The following EMC1 variants were observed in gnomAD, a reference collection of about 807,000 sequenced individuals.
EMC1 encodes the protein ER membrane protein complex subunit 1.
EMC1 carries 103 observed loss-of-function variants against 128.8 expected under a neutral mutation model. The ratio of observed to expected loss-of-function variants is 0.80; its 90% confidence interval spans 0.68 to 0.94. The LOEUF is 0.94. Ranked by LOEUF, EMC1 falls within the 40% of genes least tolerant of loss-of-function variation. The probability of loss-of-function intolerance (pLI) is 0.00; values close to 1 mark genes in which losing one functional copy is unlikely to be tolerated. For synonymous variants in EMC1, 442 were observed against 490.4 expected (o/e 0.90, Z 1.30); for missense variants, 1,083 against 1,250.6 (o/e 0.87, Z 2.02).
In EMC1 at chr1:19,231,246, C is replaced by A. The variant is rs779493032; in HGVS notation, c.1944+15G>T. The A allele has an allele frequency of 2.0e-5, 31 of 1,584,116 alleles. No individual in the cohort carries two copies. The highest frequency in any genetic ancestry group is 2.3e-5 in the Non-Finnish European group (27 of 1,171,374). On this transcript the variant is annotated intron_variant, in intron 16 of 22. Transcript: ENST00000477853. ...ACTCCGCTAGCATGTTCTCCATCCC[C>A]TCTGAAGACAGTACCTTGTATTCAT...
rs1463933161 is a variant in EMC1 at position 19,241,092 on chromosome 1, C to T, written c.560G>A (p.Trp187Ter). The T allele has an allele frequency of 3.1e-6, 5 of 1,614,132 alleles. No individual in the cohort carries two copies. Among genetic ancestry groups the T allele is most frequent in the Non-Finnish European group, 4.2e-6 (5 of 1,180,010 alleles). ...MVYSYGSGVV[W>*]ALGVVPFSHV... ...GCTGAAGGGAACAACTCCGAGGGCCCACACCACCCCAGAGCCGTAAGAATA... is the reference window on the plus strand; with the variant it reads ...GCTGAAGGGAACAACTCCGAGGGCCTACACCACCCCAGAGCCGTAAGAATA... Residue 187 changes from tryptophan (W) to a stop codon, truncating the protein, a stop_gained, in exon 6 of 23, where the codon TGG becomes TAG. Transcript: ENST00000477853. LOFTEE classifies it high-confidence loss of function.
chr1:19,235,974 C>T (rs12085519), intron 12 of EMC1, among the ~76,000 whole-genome samples: 7,314 of 152,224 alleles, frequency 0.048, 568 homozygotes, highest in African/African-American at 0.16. Context: ...TCAGGGATTA[C>T]TACAAGCTCT....
chr1:19,226,742 T>C (rs1571985067), intron 18 of EMC1, among the ~76,000 whole-genome samples: 1 of 151,492 alleles, frequency 6.6e-6, no homozygotes, highest in African/African-American at 2.4e-5. Context: ...TTGTTTTTTT[T>C]TTTTGGGGGT....
In EMC1 at chr1:19,242,553, T is replaced by G; in HGVS notation, c.381-80A>C. ...AGAGACAGTCCAGAACAGTACCCAC[T>G]GTTGCTTAGTGGGTAAGAAAACAGG... On this transcript the variant is annotated intron_variant, in intron 4 of 22. Transcript: ENST00000477853. The G allele has an allele frequency of 4.7e-6, 7 of 1,492,630 alleles. No individual in the cohort carries two copies. In the East Asian group the frequency reaches 6.9e-5, roughly 15 times the overall value. 92.5% of individuals were successfully genotyped at this position (1,492,630 alleles called of 1,614,324 possible).
chr1:19,228,474 T>G (rs1374178217), intron 17 of EMC1, among the ~76,000 whole-genome samples: 9 of 152,168 alleles, frequency 5.9e-5, no homozygotes. Flanking sequence ...TATGGAATTA[T>G]GCGGAGCCCT....
At chr1:19,234,913 C>T (rs2093551846) in intron 13 of EMC1, among the ~76,000 whole-genome samples, 3 of 152,120 alleles carry the variant, frequency 2.0e-5, no homozygotes. Context: ...CCTAGCTTTC[C>T]CTAGAAGGAT....
At chr1:19,229,100 G>T (rs78138248) in intron 17 of EMC1, among the ~76,000 whole-genome samples, 8,525 of 152,186 alleles carry the variant, frequency 0.056, 338 homozygotes, top group African/African-American at 0.11. Context: ...GCTGTTGATA[G>T]GGAATCATAA....
intron 4 of EMC1, among the ~76,000 whole-genome samples, chr1:19,243,006 G>A (rs1011805017): frequency 6.6e-6 from 1 of 152,210 alleles, no homozygotes; most frequent in African/African-American, 2.4e-5. Context: ...GAGAGGCTGA[G>A]GTGGGAGGAT....
intron 1 of EMC1, among the ~76,000 whole-genome samples, chr1:19,245,441 CA>C (rs551134666): frequency 6.6e-6 from 1 of 151,054 alleles, no homozygotes; most frequent in African/African-American, 2.4e-5. Flanking sequence ...AACTCCATCT[CA>C]AAAAAAAGAA....
chr1:19,232,964 A>G lies in EMC1; in HGVS notation c.1604T>C (p.Met535Thr), dbSNP rs1172977297. ...GCCTGAGGCTGTTACCATCACCATC[A>G]TCTTCTGGAGGTTGAATTCATCTCT... is the stretch of plus-strand genomic sequence containing the variant. ...LARDEFNLQKMMVMVTASGKL... is the reference protein window; with the variant it reads ...LARDEFNLQKTMVMVTASGKL... The change falls in exon 14 of 23, where the codon ATG becomes ACG. Residue 535 changes from methionine to threonine, a missense_variant. Transcript: ENST00000477853. 6.2e-7 allele frequency: 1 copy of G among 1,614,150 alleles called. No individual in the cohort carries two copies. Among genetic ancestry groups the G allele is most frequent in the Non-Finnish European group, 8.5e-7 (1 of 1,180,022 alleles).
chr1:19,235,581 G>T (rs911603904), intron 12 of EMC1, among the ~76,000 whole-genome samples: 3 of 152,122 alleles, frequency 2.0e-5, no homozygotes, highest in Admixed American at 1.3e-4. Context: ...GGCGCCTGTA[G>T]TTCCAGCTAC....
intron 13 of EMC1, among the ~76,000 whole-genome samples, chr1:19,234,629 T>C (rs941604862): frequency 6.6e-6 from 1 of 152,114 alleles, no homozygotes; most frequent in African/African-American, 2.4e-5. Flanking sequence ...TGGCAGATCA[T>C]GAGGTCAGGA....
At chr1:19,242,608 C>A in intron 4 of EMC1, 135 bp from the exon 5 acceptor site, 2 of 916,304 alleles carry the variant, frequency 2.2e-6, no homozygotes, top group African/African-American at 1.7e-5. Context: ...TGGATCCTAA[C>A]CCTGGCTCTG....
chr1:19,238,628 C>T (rs1335998609), intron 10 of EMC1, among the ~76,000 whole-genome samples, 167 bp downstream of exon 10: 1 of 152,122 alleles, frequency 6.6e-6, no homozygotes, highest in Non-Finnish European at 1.5e-5. Context: ...CCTAATCTCC[C>T]GGTAAAATGA....
chr1:19,241,253 G>T, intron 5 of EMC1, 111 bp from the exon 6 acceptor site: 2 of 1,297,542 alleles, frequency 1.5e-6, no homozygotes, highest in South Asian at 1.4e-5. Flanking sequence ...TCCCAAATAG[G>T]TTTTGTTTGG....
rs1253568019 is a variant in EMC1 at position 19,227,308 on chromosome 1, T to C, written c.2202+5A>G. 1 of 1,613,984 alleles carries C rather than the reference T, an allele frequency of 6.2e-7. No individual in the cohort carries two copies. Among genetic ancestry groups the C allele is most frequent in the Non-Finnish European group, 8.5e-7 (1 of 1,179,956 alleles). On this transcript the variant is annotated splice_donor_5th_base_variant and intron_variant, in intron 18 of 22. Transcript: ENST00000477853. ...GCTGTAGACCAGACAGCTGGCTGTA[T>C]GTACCTTGTAGAGCACACTGCGGTC...
chr1:19,247,418 C>T (rs563651641), intron 1 of EMC1, among the ~76,000 whole-genome samples: 1 of 152,288 alleles, frequency 6.6e-6, no homozygotes, highest in South Asian at 2.1e-4. Context: ...ATCGCATATA[C>T]AGCATATACA....
intron 9 of EMC1, 115 bp downstream of exon 9, chr1:19,239,116 T>C: frequency 1.0e-6 from 1 of 972,590 alleles, no homozygotes; most frequent in Non-Finnish European, 1.6e-6. Flanking sequence ...AACAGCCTCC[T>C]GCCCGCTGGG....
Position 19,218,214 on chromosome 1 carries a change from C to G in EMC1, c.*1089G>C, listed in dbSNP as rs2093406793. 6.6e-6 allele frequency: 1 copy of G among 152,194 alleles called. No individual in the cohort carries two copies. The highest frequency in any genetic ancestry group is 1.5e-5 in the Non-Finnish European group (1 of 68,044). 9.4% of individuals were successfully genotyped at this position (152,194 alleles called of 1,614,324 possible). On this transcript the variant is annotated 3_prime_UTR_variant, in exon 23 of 23. Transcript: ENST00000477853. Reference sequence around the variant, plus strand: ...TTCTGTCATTCCCCAACTCTATGACCAAGGAAAACTTTTAGGATTTCTTTA... The same window carrying G: ...TTCTGTCATTCCCCAACTCTATGACGAAGGAAAACTTTTAGGATTTCTTTA...
Sources: allele counts gnomAD v4.1 joint callset (sites outside exome capture counted in the v4.1 genomes callset), GRCh38; gene constraint gnomAD v4.1.1; transcripts MANE v1.5; gene names NCBI Gene and HGNC (gene_info 2026-07-23, HGNC 2026-07-21).